The following BLTP3A variants were observed in gnomAD, a reference collection of about 807,000 sequenced individuals.
BLTP3A encodes ICBP90 binding protein 1.
the BLTP3A span, among the ~76,000 whole-genome samples, chr6:34,843,565 C>T: frequency 2.0e-5 from 3 of 152,092 alleles, no homozygotes; most frequent in Non-Finnish European, 2.9e-5. Context: ...GGTTATCTAT[C>T]ACCTCAAGCA....
At chr6:34,792,278 CTG>C in the BLTP3A span, 1 of 1,545,546 alleles carries the variant, frequency 6.5e-7, no homozygotes, top group Non-Finnish European at 8.7e-7. Flanking sequence ...GAAGCAGATC[CTG>C]AAACACCTGT....
At chr6:34,822,473 A>G in the BLTP3A span, among the ~76,000 whole-genome samples, 1 of 152,098 alleles carries the variant, frequency 6.6e-6, no homozygotes, top group African/African-American at 2.4e-5. Context: ...TCCTAACCTC[A>G]GGTGATCCAC....
At chr6:34,834,582 A>G in the BLTP3A span, 1 of 1,361,806 alleles carries the variant, frequency 7.3e-7, no homozygotes, top group Non-Finnish European at 1.0e-6. Context: ...ATGGATCCCC[A>G]ATTCACTGCT....
At chr6:34,805,592 C>CAAAAAAA in the BLTP3A span, among the ~76,000 whole-genome samples, 1 of 96,122 alleles carries the variant, frequency 1.0e-5, no homozygotes. Context: ...GACTTGGTCT[C>CAAAAAAA]AAAAAAAAAA....
At chr6:34,814,682 G>GT in the BLTP3A span, among the ~76,000 whole-genome samples, 1 of 152,158 alleles carries the variant, frequency 6.6e-6, no homozygotes, top group Non-Finnish European at 1.5e-5. Flanking sequence ...TAGAGACTGG[G>GT]TGTCCCTGCT....
At chr6:34,863,015 C>T in the BLTP3A span, among the ~76,000 whole-genome samples, 1 of 151,578 alleles carries the variant, frequency 6.6e-6, no homozygotes. Flanking sequence ...CTCAGGTGAT[C>T]CTCTCATCTC....
chr6:34,821,734 T>G, the BLTP3A span: 1 of 1,614,164 alleles, frequency 6.2e-7, no homozygotes, highest in South Asian at 1.1e-5. Flanking sequence ...TGGAGCTGGA[T>G]GAAGAGGTTC....
chr6:34,830,149 G>A, the BLTP3A span, among the ~76,000 whole-genome samples: 1 of 151,932 alleles, frequency 6.6e-6, no homozygotes, highest in Non-Finnish European at 1.5e-5. Flanking sequence ...GCGAGACAGG[G>A]TTTTGCCATG....
chr6:34,872,182 T>G, the BLTP3A span: 1 of 1,152,972 alleles, frequency 8.7e-7, no homozygotes, highest in Non-Finnish European at 1.2e-6. Context: ...TTAGAAAAGA[T>G]ATGGTTATCT....
At chr6:34,823,132 T>C in the BLTP3A span, 6 of 732,798 alleles carry the variant, frequency 8.2e-6, no homozygotes, top group Non-Finnish European at 1.4e-5. Flanking sequence ...ATTTATTGTC[T>C]GCCCACAATG....
At chr6:34,855,893 A>T in the BLTP3A span, 6 of 985,370 alleles carry the variant, frequency 6.1e-6, no homozygotes, top group Non-Finnish European at 7.2e-6. Flanking sequence ...ATGATTCTTT[A>T]TCAGTAATGA....
the BLTP3A span, among the ~76,000 whole-genome samples, chr6:34,869,454 C>T: frequency 2.0e-5 from 3 of 152,052 alleles, no homozygotes; most frequent in Non-Finnish European, 4.4e-5. Context: ...ATAATTTGTA[C>T]ACGTGTTTAT....
chr6:34,800,687 G>A, the BLTP3A span, among the ~76,000 whole-genome samples: 1 of 152,178 alleles, frequency 6.6e-6, no homozygotes, highest in South Asian at 2.1e-4. Context: ...AGTATCTATA[G>A]TAAAGCAGAA....
At chr6:34,856,890 C>G in the BLTP3A span, 1 of 1,614,160 alleles carries the variant, frequency 6.2e-7, no homozygotes, top group Non-Finnish European at 8.5e-7. Context: ...TACGCTCTAG[C>G]TGCATGGTGG....
chr6:34,835,228 AAC>A, the BLTP3A span: 1 of 1,545,520 alleles, frequency 6.5e-7, no homozygotes, highest in Middle Eastern at 1.7e-4. Context: ...CTGATTGGGC[AAC>A]AGTCACTTTG....
At chr6:34,857,753 A>G in the BLTP3A span, 1 of 1,614,052 alleles carries the variant, frequency 6.2e-7, no homozygotes, top group South Asian at 1.1e-5. Flanking sequence ...CATTCAGTTA[A>G]ATGGTCTGAC....
the BLTP3A span, among the ~76,000 whole-genome samples, chr6:34,837,269 C>T: frequency 6.6e-6 from 1 of 152,178 alleles, no homozygotes; most frequent in African/African-American, 2.4e-5. Context: ...TGGCCAGGCA[C>T]AGTGGCTCAT....
chr6:34,802,703 T>C, the BLTP3A span, among the ~76,000 whole-genome samples: 1 of 152,216 alleles, frequency 6.6e-6, no homozygotes, highest in African/African-American at 2.4e-5. Context: ...ATTCCACGTT[T>C]GCATGCAAAC....
the BLTP3A span, among the ~76,000 whole-genome samples, chr6:34,851,207 C>T: frequency 1.3e-5 from 2 of 151,864 alleles, no homozygotes; most frequent in African/African-American, 2.4e-5. Context: ...GGTGGAGGTT[C>T]GTTGATGTCT....
Sources: allele counts gnomAD v4.1 joint callset (sites outside exome capture counted in the v4.1 genomes callset), GRCh38; gene constraint gnomAD v4.1.1; transcripts MANE v1.5; gene names NCBI Gene and HGNC (gene_info 2026-07-23, HGNC 2026-07-21).